The following PWWP3A variants were observed in gnomAD, a reference collection of about 807,000 sequenced individuals.
PWWP3A encodes PWWP domain-containing DNA repair factor 3A.
PWWP3A carries 53 observed loss-of-function variants against 79.0 expected under a neutral mutation model. The observed-to-expected ratio is 0.67, with a 90% CI of 0.54 to 0.84. The LOEUF is 0.84. Ranked by LOEUF, PWWP3A falls within the 40% of genes least tolerant of loss-of-function variation. The pLI is 0.00. For synonymous variants in PWWP3A, 443 were observed against 394.4 expected, an observed-to-expected ratio of 1.12 and a Z score of -1.46; for missense variants, 973 against 948.0, an observed-to-expected ratio of 1.03 and a Z score of -0.35.
In PWWP3A at chr19:1,362,300, C is replaced by G. The variant is rs1182901734; in HGVS notation, c.1162C>G (p.Leu388Val). The G allele has an allele frequency of 6.2e-7, 1 of 1,614,136 alleles. No homozygotes were observed. Among genetic ancestry groups the G allele is most frequent in the Admixed American group, 1.7e-5 (1 of 60,006 alleles). ...SMGSNSMRSI[L>V]EEDEEDEEPP... is the part of the protein sequence containing the mutation. ...GGGGTCTAATTCCATGCGTTCTATC[C>G]TGGAGGAAGACGAGGAAGACGAGGA... Residue 388 changes from leucine (L) to valine (V), a missense_variant, in exon 6 of 14, where the codon CTG (leucine) becomes GTG (valine). By Grantham distance (32) the Leu-to-Val change is conservative. Coordinates refer to ENST00000591337, the MANE Select transcript of PWWP3A (RefSeq NM_001369789.1).
chr19:1,360,653 G>T lies in PWWP3A; in HGVS notation c.732G>T (p.Gly244=). 6.2e-7 allele frequency: 1 copy of T among 1,613,288 alleles called. No homozygotes were observed. Among genetic ancestry groups the T allele is most frequent in the South Asian group, 1.1e-5 (1 of 91,002 alleles). Residue 244 remains glycine, a synonymous_variant, in exon 5 of 14, where the codon GGG becomes GGT. Transcript: ENST00000591337. The surrounding 1 kb of genome is among the most constrained non-coding windows in gnomAD (Gnocchi z 4.4). ...AGGACGACACGGAGAGAGACATGGG[G>T]AGCAAAGGAGGCAGCTGGGCAGCCC... ...LSEDDTERDM[G]SKGGSWAAPS... is the part of the protein sequence containing the mutation.
At chr19:1,375,447 T>A (rs373138100) in intron 13 of PWWP3A, among the ~76,000 whole-genome samples, 4 of 99,134 alleles carry the variant, frequency 4.0e-5, no homozygotes, top group South Asian at 3.1e-4. Flanking sequence ...CCATATATAT[T>A]TATATATAAT....
intron 8 of PWWP3A, 119 bp downstream of exon 8, chr19:1,366,500 C>T (rs2082132592): frequency 1.1e-6 from 1 of 882,738 alleles, no homozygotes; most frequent in Non-Finnish European, 1.9e-6. Context: ...GAGTCCAGGC[C>T]CGGGCAGGGC....
In PWWP3A at chr19:1,369,633, C is replaced by G; in HGVS notation, c.1536C>G (p.Tyr512Ter). Residue 512 changes from tyrosine to a stop codon, truncating the protein, a stop_gained, in exon 11 of 14, where the codon TAC (tyrosine) becomes TAG (stop). Coordinates refer to ENST00000591337, the MANE Select transcript of PWWP3A (RefSeq NM_001369789.1). LOFTEE classifies it high-confidence loss of function. This position sits in a 1 kb window ranked among gnomAD's most constrained non-coding sequence, Gnocchi z 4.0. ...GSFAGSFLEY[Y>*]AADISYPVRK... ...TTGCTGGCTCTTTCCTGGAATATTA[C>G]GCGGCTGATATAAGTAAGTCTACAG... is the stretch of plus-strand genomic sequence containing the variant. The G allele has an allele frequency of 6.2e-7, 1 of 1,614,214 alleles. No homozygotes were observed. The highest frequency in any genetic ancestry group is 8.5e-7 in the Non-Finnish European group (1 of 1,180,036).
intron 1 of PWWP3A, among the ~76,000 whole-genome samples, chr19:1,355,480 T>C (rs2081832864): frequency 2.5e-5 from 1 of 39,914 alleles, no homozygotes; most frequent in African/African-American, 8.6e-5. Flanking sequence ...TTCCCTGGAT[T>C]CCCCACCCCC....
At chr19:1,376,485 T>C (rs1052887389) in intron 13 of PWWP3A, 34 bp from the exon 14 acceptor site, 4 of 1,605,770 alleles carry the variant, frequency 2.5e-6, no homozygotes, top group Non-Finnish European at 3.4e-6. Flanking sequence ...ACACAATGAT[T>C]AATTACTAAA....
chr19:1,369,344 C>T lies in PWWP3A; in HGVS notation c.1498+4C>T, dbSNP rs367569580. 4.8e-5 allele frequency: 77 copies of T among 1,613,008 alleles called. No homozygotes were observed. Among genetic ancestry groups the T allele is most frequent in the Middle Eastern group, 1.8e-4 (1 of 5,480 alleles). ...ACCGACTACAGGGTCCGGTTAGGTA[C>T]GTGGGGTGCTGGGGAGGGGTGGAGC... On this transcript the variant is annotated splice_donor_region_variant and intron_variant, in intron 10 of 13. Transcript: ENST00000591337. The surrounding 1 kb of genome is among the most constrained non-coding windows in gnomAD (Gnocchi z 4.0).
intron 1 of PWWP3A, 150 bp downstream of exon 1, chr19:1,355,285 C>G (rs1390568956): frequency 6.5e-6 from 1 of 153,202 alleles, no homozygotes; most frequent in African/African-American, 2.4e-5. Context: ...CCCGGACCCC[C>G]TTTTCCGCCC....
intron 13 of PWWP3A, chr19:1,374,450 C>G (rs1018036158): frequency 6.6e-6 from 1 of 152,220 alleles, no homozygotes; most frequent in Non-Finnish European, 1.5e-5. Context: ...CCAGTCTCCC[C>G]GCCGCACGGC....
At chr19:1,364,364 C>G (rs1183270730) in intron 6 of PWWP3A, 145 bp from the exon 7 acceptor site, 1 of 681,760 alleles carries the variant, frequency 1.5e-6, no homozygotes, top group Non-Finnish European at 2.6e-6. Context: ...TTCAGATTCT[C>G]CTGATCTTTT....
chr19:1,375,288 C>T lies in PWWP3A; in HGVS notation c.2076-1231C>T, dbSNP rs527752485. On this transcript the variant is annotated intron_variant, in intron 13 of 13. Coordinates refer to ENST00000591337, the MANE Select transcript of PWWP3A (RefSeq NM_001369789.1). ...TCCTAACCTTCTTAAGTGTATGGTT[C>T]GATGGCGGTGAGCACTTTCACAGTG... Among the ~76,000 whole-genome samples, 48 of 149,716 alleles carry T rather than the reference C, an allele frequency of 3.2e-4. 1 individual carries two copies. The South Asian group carries it at 7.7e-3, about 24-fold the overall frequency.
Position 1,378,115 on chromosome 19 carries a change from C to T in PWWP3A, c.*1539C>T, listed in dbSNP as rs904369169. The T allele has an allele frequency of 1.3e-5, 2 of 152,292 alleles. No homozygotes were observed. Among genetic ancestry groups the T allele is most frequent in the African/African-American group, 2.4e-5 (1 of 41,472 alleles). 9.4% of individuals were successfully genotyped at this position (152,292 alleles called of 1,614,324 possible). ...CTTGTCTGGAGCAGTGGGGCACACCCCGGAGGAGGCGGGGGTCAGGGCTGT... is the reference window on the plus strand; with the variant it reads ...CTTGTCTGGAGCAGTGGGGCACACCTCGGAGGAGGCGGGGGTCAGGGCTGT... On this transcript the variant is annotated 3_prime_UTR_variant, in exon 14 of 14. Transcript: ENST00000591337.
intron 3 of PWWP3A, 193 bp from the exon 4 acceptor site, chr19:1,358,201 A>AAC: frequency 2.0e-6 from 1 of 498,362 alleles, no homozygotes; most frequent in Non-Finnish European, 3.5e-6. Flanking sequence ...AAAAAAAAAA[A>AAC]AAACCATTCA....
In PWWP3A at chr19:1,360,725, T is replaced by G. The variant is rs750360969; in HGVS notation, c.804T>G (p.Ala268=). 1 of 1,613,204 alleles carries G rather than the reference T, an allele frequency of 6.2e-7. No individual in the cohort carries two copies. Among genetic ancestry groups the G allele is most frequent in the South Asian group, 1.1e-5 (1 of 91,044 alleles). ...GGGAGGACGATCCCTGTGCCAACGCTGAGGGACACGACCCCGGTCTGCCGT... is the reference window on the plus strand; with the variant it reads ...GGGAGGACGATCCCTGTGCCAACGCGGAGGGACACGACCCCGGTCTGCCGT... The part of the protein sequence containing the change: ...GVREDDPCAN[A]EGHDPGLPLG... The change falls in exon 5 of 14, where the codon GCT becomes GCG. Residue 268 remains alanine (A), a synonymous_variant. Transcript: ENST00000591337. This position sits in a 1 kb window ranked among gnomAD's most constrained non-coding sequence, Gnocchi z 4.4.
At chr19:1,364,954 AC>A (rs1360313297) in intron 7 of PWWP3A, among the ~76,000 whole-genome samples, 1 of 152,144 alleles carries the variant, frequency 6.6e-6, no homozygotes, top group Non-Finnish European at 1.5e-5. Flanking sequence ...CCCTGACTCT[AC>A]TAAAAATACA....
chr19:1,375,875 G>A (rs1367478923), intron 13 of PWWP3A, among the ~76,000 whole-genome samples: 4 of 125,416 alleles, frequency 3.2e-5, no homozygotes, highest in African/African-American at 1.3e-4. Context: ...GCACAGTCTC[G>A]GCCCACTGCA....
intron 12 of PWWP3A, chr19:1,372,416 T>G (rs1005956062): frequency 3.3e-5 from 5 of 152,188 alleles, no homozygotes; most frequent in Non-Finnish European, 7.3e-5. Flanking sequence ...GATGATTTCT[T>G]AATGTCAGGT....
chr19:1,367,260 C>T (rs553228236), intron 9 of PWWP3A, 40 bp downstream of exon 9: 1 of 1,533,854 alleles, frequency 6.5e-7, no homozygotes. Context: ...AAATGGTTTA[C>T]TTTGTGATTA....
rs1397313432 is a variant in PWWP3A at position 1,360,085 on chromosome 19, A to G, written c.215-51A>G. 2.0e-6 allele frequency: 3 copies of G among 1,496,880 alleles called. No homozygotes were observed. In the South Asian group the frequency reaches 4.1e-5, roughly 20 times the overall value. The allele number at this position is 1,496,880 out of a possible 1,614,324, so 92.7% of individuals were successfully genotyped here. On this transcript the variant is annotated intron_variant, in intron 4 of 13. Transcript: ENST00000591337. This position sits in a 1 kb window ranked among gnomAD's most constrained non-coding sequence, Gnocchi z 4.4. ...GCTTCTAAAGCGATGCCGTGACCGC[A>G]GTGCCTGTGCAGTGAACGTAACCGG...
Sources: allele counts gnomAD v4.1 joint callset (sites outside exome capture counted in the v4.1 genomes callset), GRCh38; gene constraint gnomAD v4.1.1; non-coding constraint Gnocchi (gnomAD v3.1); transcripts MANE v1.5; gene names NCBI Gene and HGNC (gene_info 2026-07-23, HGNC 2026-07-21).